Variants in STRADB observed in about 807,000 individuals in gnomAD.
The protein encoded by STRADB is STE20-related kinase adapter protein beta.
In STRADB, 34 loss-of-function variants were observed where a neutral mutation model predicts 52.1. That is an observed-to-expected ratio of 0.65 (90% CI 0.50 to 0.87). STRADB has a LOEUF of 0.87. Ranked by LOEUF, STRADB falls within the 40% of genes least tolerant of loss-of-function variation. STRADB has a pLI of 0.00. For synonymous variants in STRADB, 133 were observed against 174.5 expected, an observed-to-expected ratio of 0.76 and a Z score of 1.87; for missense variants, 340 against 483.9, an observed-to-expected ratio of 0.70 and a Z score of 2.79.
At chr2:201,477,985 T>C in intron 8 of STRADB, 102 bp from the exon 9 acceptor site, 1 of 1,217,622 alleles carries the variant, frequency 8.2e-7, no homozygotes, top group Non-Finnish European at 1.2e-6. Flanking sequence ...TATGGGTTTC[T>C]TTTCCATTAT....
Position 201,480,443 on chromosome 2 carries a change from T to A in STRADB, c.*268T>A, listed in dbSNP as rs1952553173. 2.5e-6 allele frequency: 3 copies of A among 1,179,004 alleles called. No individual in the cohort carries two copies. Among genetic ancestry groups the A allele is most frequent in the Non-Finnish European group, 3.2e-6 (3 of 952,350 alleles). 73.0% of individuals were successfully genotyped at this position (1,179,004 alleles called of 1,614,324 possible). On this transcript the variant is annotated 3_prime_UTR_variant, in exon 12 of 12. Transcript: ENST00000194530. ...TTTTTTTCTAAGCTGTGACTAACTC[T>A]TTTTATCTCTCAATATAATTTTTGA...
chr2:201,463,331 CA>C (rs574453771), intron 3 of STRADB, among the ~76,000 whole-genome samples: 6 of 113,130 alleles, frequency 5.3e-5, no homozygotes, highest in Non-Finnish European at 8.8e-5. Context: ...GAGACTGTCT[CA>C]AAAAAAAAAA....
chr2:201,478,066 C>A, intron 8 of STRADB, 21 bp from the exon 9 acceptor site: 1 of 1,579,800 alleles, frequency 6.3e-7, no homozygotes, highest in Non-Finnish European at 8.6e-7. Flanking sequence ...TAAAAGACTT[C>A]AAATTAATTG....
In STRADB at chr2:201,470,111, A is replaced by C. The variant is rs529650335; in HGVS notation, c.193+59A>C. 1.2e-5 allele frequency: 16 copies of C among 1,339,674 alleles called. No homozygotes were observed. The African/African-American group carries it at 2.3e-4, about 19-fold the overall frequency. 83.0% of individuals were successfully genotyped at this position (1,339,674 alleles called of 1,614,324 possible). On this transcript the variant is annotated intron_variant, in intron 4 of 11. Transcript: ENST00000194530. ...TGCTAGAAATTAAATTGATGACAAA[A>C]AGATTATTTTGTGGGCAAGTGTTTT...
At chr2:201,462,175 T>G (rs1156893362) in intron 3 of STRADB, among the ~76,000 whole-genome samples, 1 of 152,214 alleles carries the variant, frequency 6.6e-6, no homozygotes, top group Non-Finnish European at 1.5e-5. Context: ...TCTCTTTTTA[T>G]AAGTTTTTCC....
intron 4 of STRADB, 194 bp from the exon 5 acceptor site, chr2:201,472,761 G>C: frequency 2.3e-6 from 1 of 426,230 alleles, no homozygotes; most frequent in East Asian, 4.3e-5. Flanking sequence ...TTTGTGGATT[G>C]CCTGTTTAAT....
intron 4 of STRADB, among the ~76,000 whole-genome samples, chr2:201,472,695 C>T (rs571857089): frequency 3.9e-5 from 6 of 152,252 alleles, no homozygotes; most frequent in Admixed American, 3.9e-4. Context: ...TTTTAATTTG[C>T]ATTTCTCTAT....
chr2:201,479,646 T>C (rs750158279), intron 11 of STRADB, 115 bp downstream of exon 11: 19 of 1,048,138 alleles, frequency 1.8e-5, no homozygotes, highest in Non-Finnish European at 2.4e-5. Context: ...AATAACTTTG[T>C]TACAAAATAA....
At chr2:201,465,802 C>T (rs1189922716) in intron 3 of STRADB, among the ~76,000 whole-genome samples, 2 of 152,224 alleles carry the variant, frequency 1.3e-5, no homozygotes. Context: ...ATGGGTGATT[C>T]CCCTCTGGCT....
chr2:201,455,525 G>A (rs1385310298), intron 2 of STRADB, among the ~76,000 whole-genome samples: 1 of 152,068 alleles, frequency 6.6e-6, no homozygotes, highest in African/African-American at 2.4e-5. Flanking sequence ...ACCAGCCTAG[G>A]CAACATAGTG....
chr2:201,452,517 G>A (rs372879771), intron 1 of STRADB, among the ~76,000 whole-genome samples: 2 of 152,152 alleles, frequency 1.3e-5, no homozygotes, highest in African/African-American at 4.8e-5. Flanking sequence ...GTAACACGGC[G>A]CCTGCTTAGC....
chr2:201,477,473 T>G, intron 7 of STRADB, 146 bp from the exon 8 acceptor site: 5 of 709,160 alleles, frequency 7.1e-6, no homozygotes, highest in Non-Finnish European at 1.2e-5. Context: ...AACAGCAGTT[T>G]TGCAGTACTG....
intron 5 of STRADB, among the ~76,000 whole-genome samples, chr2:201,473,952 G>A (rs1411377436): frequency 1.4e-4 from 21 of 147,776 alleles, no homozygotes; most frequent in Non-Finnish European, 3.1e-4. Flanking sequence ...GTGCAGTGGC[G>A]CGATCTTGGC....
chr2:201,465,730 C>T (rs1299312046), intron 3 of STRADB, among the ~76,000 whole-genome samples: 1 of 152,216 alleles, frequency 6.6e-6, no homozygotes, highest in Non-Finnish European at 1.5e-5. Flanking sequence ...TTTAGGACCC[C>T]AGAGGGCCTC....
At chr2:201,466,026 G>A (rs1338563320) in intron 3 of STRADB, among the ~76,000 whole-genome samples, 1 of 152,172 alleles carries the variant, frequency 6.6e-6, no homozygotes, top group Non-Finnish European at 1.5e-5. Context: ...TTAAAAACAG[G>A]TACTGTGATA....
At chr2:201,466,815 A>G (rs1018060552) in intron 3 of STRADB, among the ~76,000 whole-genome samples, 1 of 152,232 alleles carries the variant, frequency 6.6e-6, no homozygotes, top group South Asian at 2.1e-4. Flanking sequence ...CAACTAATGT[A>G]GGGAGTGTTC....
intron 5 of STRADB, 101 bp downstream of exon 5, chr2:201,473,177 A>G: frequency 5.8e-6 from 6 of 1,041,398 alleles, no homozygotes; most frequent in Non-Finnish European, 7.8e-6. Context: ...ATATTTTAAA[A>G]TAAATAATAC....
At chr2:201,460,235 T>C (rs1165290766) in intron 3 of STRADB, among the ~76,000 whole-genome samples, 1 of 151,976 alleles carries the variant, frequency 6.6e-6, no homozygotes, top group Non-Finnish European at 1.5e-5. Flanking sequence ...ATCTGAGGGG[T>C]TTTTTAAAAA....
At chr2:201,461,183 A>G (rs959255278) in intron 3 of STRADB, among the ~76,000 whole-genome samples, 1 of 152,096 alleles carries the variant, frequency 6.6e-6, no homozygotes, top group Non-Finnish European at 1.5e-5. Flanking sequence ...TTTAAAAAAA[A>G]TTATTTTTAT....
Sources: gnomAD v4.1 joint callset for allele counts (sites outside exome capture counted in the v4.1 genomes callset) on GRCh38, gnomAD v4.1.1 for gene constraint, MANE v1.5 for transcripts, NCBI Gene and HGNC (gene_info 2026-07-23, HGNC 2026-07-21) for gene names.